TUBA4B: variants seen among roughly 807,000 people sequenced by gnomAD.
The protein encoded by TUBA4B is tubulin-like protein alpha-4B.
In TUBA4B, 13 loss-of-function variants were observed where a neutral mutation model predicts 18.4. The ratio of observed to expected loss-of-function variants is 0.71; its 90% CI spans 0.46 to 1.12. TUBA4B has a LOEUF of 1.12. TUBA4B is among the 50% of genes most tolerant of loss of function. The pLI, the probability that TUBA4B is intolerant of heterozygous loss-of-function variation, is 0.00. For synonymous variants in TUBA4B, 101 were observed against 99.1 expected (o/e 1.02, Z -0.11); for missense variants, 244 against 250.0 (o/e 0.98, Z 0.16).
chr2:219,266,660 T>C, intron 2 of TUBA4B, 94 bp downstream of exon 2: 1 of 684,346 alleles, frequency 1.5e-6, no homozygotes, highest in Non-Finnish European at 2.7e-6. Flanking sequence ...GGAGTCCACA[T>C]GGTGATGGGG....
chr2:219,269,361 C>T (rs918144115), intron 2 of TUBA4B, among the ~76,000 whole-genome samples: 1 of 152,174 alleles, frequency 6.6e-6, no homozygotes, highest in Non-Finnish European at 1.5e-5. Flanking sequence ...CTCATTGAGA[C>T]AGGCACTGAG....
intron 3 of TUBA4B, 52 bp from the exon 4 acceptor site, chr2:219,271,114 G>A: frequency 1.5e-6 from 1 of 668,696 alleles, no homozygotes; most frequent in Non-Finnish European, 2.7e-6. Flanking sequence ...GTTCTTTCCT[G>A]TCCATCAGCT....
chr2:219,271,816 T>TGGCAGCA lies in TUBA4B; in HGVS notation c.*117_*118insGGCAGCA. ...CATCAAGACCAAGTGCAGCATTCAGTTTGTGGACTGGTGCCCCACAGGCTT... is the reference window on the plus strand; with the variant it reads ...CATCAAGACCAAGTGCAGCATTCAGTGGCAGCATTGTGGACTGGTGCCCCACAGGCTT... On this transcript the variant is annotated 3_prime_UTR_variant, in exon 4 of 4. Coordinates refer to ENST00000490341, the MANE Select transcript of TUBA4B (RefSeq NM_001355221.1). 1 of 1,596,880 alleles carries TGGCAGCA rather than the reference T, an allele frequency of 6.3e-7. No individual in the cohort carries two copies. The highest frequency in any genetic ancestry group is 2.2e-5 in the East Asian group (1 of 44,788).
At position 219,270,321 on chromosome 2, in the gene TUBA4B, C is replaced by T. The variant is rs558404074; in HGVS notation, c.178C>T (p.Arg60Trp). 5.9e-5 allele frequency: 44 copies of T among 739,612 alleles called. No individual in the cohort carries two copies. The highest frequency in any genetic ancestry group is 2.3e-4 in the Middle Eastern group (1 of 4,420). The allele number at this position is 739,612 out of a possible 1,614,324, so 45.8% of individuals were successfully genotyped here. A position where few individuals can be genotyped will look rare whatever the true frequency, so the allele number is the denominator to read the frequency against. ...GKEFIDLLLD[R>W]IRKLADQCTG... ...GGAGTTCATCGACCTGCTACTGGACCGGATTCGGAAGCTGGTGAGGAAAGG... is the reference window on the plus strand; with the variant it reads ...GGAGTTCATCGACCTGCTACTGGACTGGATTCGGAAGCTGGTGAGGAAAGG... Residue 60 changes from arginine (R) to tryptophan (W), a missense_variant, in exon 3 of 4, where the codon CGG becomes TGG. Arg to Trp is a moderately radical substitution (Grantham distance 101, BLOSUM62 -3). Coordinates refer to ENST00000490341, the MANE Select transcript of TUBA4B (RefSeq NM_001355221.1).
At chr2:219,266,661 G>A in intron 2 of TUBA4B, 95 bp downstream of exon 2, 1 of 683,482 alleles carries the variant, frequency 1.5e-6, no homozygotes. Context: ...GAGTCCACAT[G>A]GTGATGGGGC....
At chr2:219,267,659 G>C (rs1328811918) in intron 2 of TUBA4B, among the ~76,000 whole-genome samples, 1 of 151,868 alleles carries the variant, frequency 6.6e-6, no homozygotes, top group East Asian at 1.9e-4. Flanking sequence ...CTGCCTCCCG[G>C]GTTCAAGCGA....
At chr2:219,257,994 T>TG (rs1951733094) in intron 1 of TUBA4B, among the ~76,000 whole-genome samples, 1 of 144,374 alleles carries the variant, frequency 6.9e-6, no homozygotes, top group South Asian at 2.3e-4. Flanking sequence ...TTTTTTTTTT[T>TG]TTTTTTTTTT....
chr2:219,269,020 CAG>C (rs1315679713), intron 2 of TUBA4B, among the ~76,000 whole-genome samples: 2 of 152,120 alleles, frequency 1.3e-5, no homozygotes, highest in African/African-American at 4.8e-5. Context: ...CCCTTGAGCC[CAG>C]GAGTCCAAGA....
chr2:219,263,175 C>T (rs1951769897), intron 1 of TUBA4B, among the ~76,000 whole-genome samples: 1 of 152,112 alleles, frequency 6.6e-6, no homozygotes, highest in African/African-American at 2.4e-5. Context: ...ATGTTTTAAT[C>T]TAGATGCATT....
intron 2 of TUBA4B, among the ~76,000 whole-genome samples, chr2:219,267,590 T>C (rs1951798093): frequency 6.6e-6 from 1 of 151,758 alleles, no homozygotes; most frequent in Non-Finnish European, 1.5e-5. Context: ...TGTTTTTTTT[T>C]TTTTGAGACG....
chr2:219,266,745 G>T (rs182768813), intron 2 of TUBA4B, among the ~76,000 whole-genome samples, 179 bp downstream of exon 2: 64 of 152,242 alleles, frequency 4.2e-4, no homozygotes, highest in Admixed American at 2.7e-3. Flanking sequence ...GTGCAGGTGT[G>T]GGGGGCATCA....
intron 1 of TUBA4B, chr2:219,254,184 C>T (rs1314584589): frequency 6.9e-6 from 2 of 291,658 alleles, no homozygotes; most frequent in Admixed American, 1.0e-4. Flanking sequence ...AGGGCCTCCG[C>T]GGAGATGCAG....
intron 1 of TUBA4B, among the ~76,000 whole-genome samples, chr2:219,258,298 G>GTTTGT (rs1553572130): frequency 2.6e-5 from 4 of 151,638 alleles, no homozygotes; most frequent in Non-Finnish European, 4.4e-5. Context: ...GCCTCATTTT[G>GTTTGT]TTTGTTTTGT....
chr2:219,266,590 G>A, intron 2 of TUBA4B, 24 bp downstream of exon 2: 3 of 702,738 alleles, frequency 4.3e-6, no homozygotes, highest in Middle Eastern at 2.3e-4. Context: ...GCCTTGGGGG[G>A]ACTGAGCATG....
chr2:219,269,006 G>GGATCCCTT (rs1574894480), intron 2 of TUBA4B, among the ~76,000 whole-genome samples: 1 of 152,298 alleles, frequency 6.6e-6, no homozygotes, highest in African/African-American at 2.4e-5. Flanking sequence ...TGAGACAGGA[G>GGATCCCTT]GATCCCTTGA....
chr2:219,270,462 T>A (rs1951818702), intron 3 of TUBA4B, 127 bp downstream of exon 3: 8 of 639,084 alleles, frequency 1.3e-5, no homozygotes, highest in Non-Finnish European at 2.3e-5. Context: ...TCAGGACCAA[T>A]GAGGAGAGGC....
Position 219,253,304 on chromosome 2 carries a change from G to C in TUBA4B, c.-104G>C. Reference sequence around the variant, plus strand: ...GAGGGCCAGCTCGCTTCAGGAGGCCGAACCCCGTTCCCACCAACCCTCTCA... The same window carrying C: ...GAGGGCCAGCTCGCTTCAGGAGGCCCAACCCCGTTCCCACCAACCCTCTCA... On this transcript the variant is annotated 5_prime_UTR_variant, in exon 1 of 4. Coordinates refer to ENST00000490341, the MANE Select transcript of TUBA4B (RefSeq NM_001355221.1). The C allele has an allele frequency of 6.6e-7, 1 of 1,518,336 alleles. No individual in the cohort carries two copies. Among genetic ancestry groups the C allele is most frequent in the South Asian group, 1.2e-5 (1 of 81,438 alleles). The allele number at this position is 1,518,336 out of a possible 1,614,324, so 94.1% of individuals were successfully genotyped here.
Position 219,268,340 on chromosome 2 carries a change from C to G in TUBA4B, c.58+1774C>G, listed in dbSNP as rs1951804772. Among the ~76,000 whole-genome samples, 4 of 152,262 alleles carry G rather than the reference C, an allele frequency of 2.6e-5. No individual in the cohort carries two copies. In the South Asian group the frequency reaches 8.3e-4, roughly 32 times the overall value. On this transcript the variant is annotated intron_variant, in intron 2 of 3. Coordinates refer to ENST00000490341, the MANE Select transcript of TUBA4B (RefSeq NM_001355221.1). ...GAGCTCCTGACCTCAAGTGATCCAC[C>G]TGCCTTGGCCTCCCAAAGTGCTGGG... is the stretch of plus-strand genomic sequence containing the variant.
chr2:219,270,364 G>A, intron 3 of TUBA4B, 29 bp downstream of exon 3: 2 of 709,492 alleles, frequency 2.8e-6, no homozygotes, highest in Non-Finnish European at 5.2e-6. Flanking sequence ...GCTGGGGCAG[G>A]GGGAATGAAT....
Sources: allele counts gnomAD v4.1 joint callset (sites outside exome capture counted in the v4.1 genomes callset), GRCh38; gene constraint gnomAD v4.1.1; transcripts MANE v1.5; gene names NCBI Gene and HGNC (gene_info 2026-07-23, HGNC 2026-07-21).